The following NEMF variants were observed in gnomAD, a reference collection of about 807,000 sequenced individuals.
The protein encoded by NEMF is nuclear export mediator factor.
A neutral mutation model predicts 162.2 loss-of-function variants in NEMF; 89 were observed. The observed-to-expected ratio is 0.55, with a 90% confidence interval of 0.46 to 0.65. NEMF has a LOEUF of 0.65. Ranked by LOEUF, NEMF falls within the 30% of genes least tolerant of loss-of-function variation. The probability of loss-of-function intolerance (pLI) is 0.00; values close to 1 mark genes in which losing one functional copy is unlikely to be tolerated. For synonymous variants in NEMF, 421 were observed against 404.5 expected (o/e 1.04, Z -0.49); for missense variants, 1,133 against 1,261.9 (o/e 0.90, Z 1.55).
In NEMF at chr14:49,806,244, ATATATATATATATTTTTTTTTTT is replaced by A. The variant is rs1248720901; in HGVS notation, c.1745-134_1745-112del. 5 of 14,056 alleles carry A rather than the reference ATATATATATATATTTTTTTTTTT, an allele frequency of 3.6e-4. 1 individual carries two copies. The highest frequency in any genetic ancestry group is 5.9e-4 in the African/African-American group (3 of 5,116). 0.9% of individuals were successfully genotyped at this position (14,056 alleles called of 1,614,324 possible). On this transcript the variant is annotated intron_variant, in intron 18 of 32. Coordinates refer to ENST00000298310, the MANE Select transcript of NEMF (RefSeq NM_004713.6). ...GTCAATGATATGTGTATATATATAT[ATATATATATATATTTTTTTTTTT>A]TTTTTTTTTTTTGAGATGGAGTTTC...
chr14:49,789,468 A>C, intron 27 of NEMF, 28 bp downstream of exon 27: 1 of 1,610,718 alleles, frequency 6.2e-7, no homozygotes, highest in Non-Finnish European at 8.5e-7. Context: ...GAAAAGCAAA[A>C]GAAAAAATGT....
intron 29 of NEMF, 165 bp from the exon 30 acceptor site, chr14:49,785,485 G>A: frequency 3.4e-6 from 2 of 589,198 alleles, no homozygotes; most frequent in Non-Finnish European, 6.1e-6. Context: ...GTTCCAAAGA[G>A]TTGAAGACCA....
intron 16 of NEMF, among the ~76,000 whole-genome samples, chr14:49,821,790 C>A (rs1178179362): frequency 6.6e-6 from 1 of 151,766 alleles, no homozygotes; most frequent in Non-Finnish European, 1.5e-5. Context: ...GCCCAGCCAC[C>A]ACCCCGTCTG....
At chr14:49,819,381 A>G (rs1891880374) in intron 16 of NEMF, among the ~76,000 whole-genome samples, 1 of 137,470 alleles carries the variant, frequency 7.3e-6, no homozygotes, top group Admixed American at 8.0e-5. Context: ...TAATAAAAAC[A>G]TATTATAGAC....
chr14:49,811,617 C>A lies in NEMF; in HGVS notation c.1744+2371G>T, dbSNP rs542652904. Among the ~76,000 whole-genome samples, 32 of 152,262 alleles carry A rather than the reference C, an allele frequency of 2.1e-4. No individual in the cohort carries two copies. The South Asian group carries it at 6.4e-3, about 31-fold the overall frequency. On this transcript the variant is annotated intron_variant, in intron 18 of 32. Coordinates refer to ENST00000298310, the MANE Select transcript of NEMF (RefSeq NM_004713.6). ...TTGTTTACCAAGTTGAGGAATATCC[C>A]TTCTATTCCTAGTTTGCTGAGTGTT...
intron 3 of NEMF, among the ~76,000 whole-genome samples, chr14:49,846,882 C>T (rs1454928763): frequency 6.6e-6 from 1 of 152,086 alleles, no homozygotes; most frequent in Non-Finnish European, 1.5e-5. Flanking sequence ...AAGCCACAAC[C>T]TTTATTTATT....
chr14:49,800,304 T>C, intron 23 of NEMF, 116 bp downstream of exon 23: 1 of 831,844 alleles, frequency 1.2e-6, no homozygotes, highest in Non-Finnish European at 1.8e-6. Flanking sequence ...TGAAAAAGTA[T>C]TAAGACAATG....
chr14:49,806,226 A>ATGTG (rs1891182657), intron 18 of NEMF, 93 bp from the exon 19 acceptor site: 1 of 131,480 alleles, frequency 7.6e-6, no homozygotes, highest in Non-Finnish European at 1.3e-5. Context: ...AGGGTCAATG[A>ATGTG]TATGTGTATA....
intron 5 of NEMF, 127 bp from the exon 6 acceptor site, chr14:49,838,333 T>C: frequency 1.4e-6 from 1 of 701,746 alleles, no homozygotes; most frequent in South Asian, 2.1e-5. Flanking sequence ...GTAACAGGAA[T>C]TCATTCTTCT....
In NEMF at chr14:49,783,774, A is replaced by C. The variant is rs1393111600; in HGVS notation, c.*862T>G. 6.6e-6 allele frequency: 1 copy of C among 152,146 alleles called. No homozygotes were observed. Among genetic ancestry groups the C allele is most frequent in the Admixed American group, 6.5e-5 (1 of 15,270 alleles). 9.4% of individuals were successfully genotyped at this position (152,146 alleles called of 1,614,324 possible). On this transcript the variant is annotated 3_prime_UTR_variant, in exon 33 of 33. Transcript: ENST00000298310. ...ATTACAAGGAAAAAATTAAGATCAAACCTGAAGGTCTACAAATGAATAGAA... is the reference window on the plus strand; with the variant it reads ...ATTACAAGGAAAAAATTAAGATCAACCCTGAAGGTCTACAAATGAATAGAA...
In NEMF at chr14:49,830,388, A is replaced by G. The variant is rs549012214; in HGVS notation, c.945+911T>C. Among the ~76,000 whole-genome samples the G allele has an allele frequency of 1.3e-3, 198 of 152,256 alleles. 4 individuals carry two copies. In the South Asian group the frequency reaches 0.04, roughly 30 times the overall value. On this transcript the variant is annotated intron_variant, in intron 11 of 32. Coordinates refer to ENST00000298310, the MANE Select transcript of NEMF (RefSeq NM_004713.6). Reference sequence around the variant, plus strand: ...TGAAGAGGAAGTGGTACAGGGATTCAAACAATTTGATTTTTTTTTCTTTAA... The same window carrying G: ...TGAAGAGGAAGTGGTACAGGGATTCGAACAATTTGATTTTTTTTTCTTTAA...
chr14:49,820,867 G>A (rs1345302355), intron 16 of NEMF, among the ~76,000 whole-genome samples: 1 of 152,118 alleles, frequency 6.6e-6, no homozygotes, highest in Non-Finnish European at 1.5e-5. Context: ...TGATCCGCCA[G>A]CCTCGGCATC....
At chr14:49,813,053 G>C (rs1441514758) in intron 18 of NEMF, among the ~76,000 whole-genome samples, 1 of 152,124 alleles carries the variant, frequency 6.6e-6, no homozygotes, top group African/African-American at 2.4e-5. Context: ...GGGATTACAG[G>C]TGTGAGTCAC....
At chr14:49,833,230 C>T (rs1264399993) in intron 8 of NEMF, among the ~76,000 whole-genome samples, 193 bp downstream of exon 8, 2 of 152,154 alleles carry the variant, frequency 1.3e-5, no homozygotes, top group African/African-American at 4.8e-5. Context: ...CATGCCACTG[C>T]ACTCCAGCCT....
chr14:49,792,229 G>GT (rs961362895), intron 26 of NEMF, among the ~76,000 whole-genome samples: 1 of 151,962 alleles, frequency 6.6e-6, no homozygotes, highest in Non-Finnish European at 1.5e-5. Context: ...AACAATCTCC[G>GT]TTTTTTGACA....
At chr14:49,837,006 G>C (rs1892939069) in intron 6 of NEMF, among the ~76,000 whole-genome samples, 1 of 152,132 alleles carries the variant, frequency 6.6e-6, no homozygotes, top group African/African-American at 2.4e-5. Context: ...CAGGCACGGT[G>C]CCTCACACCT....
At chr14:49,791,164 G>A (rs564483236) in intron 26 of NEMF, among the ~76,000 whole-genome samples, 11 of 149,146 alleles carry the variant, frequency 7.4e-5, no homozygotes, top group Non-Finnish European at 1.3e-4. Context: ...GTGAAACCCC[G>A]TCTGTACTAA....
At chr14:49,850,744 G>C (rs1346114211) in intron 3 of NEMF, among the ~76,000 whole-genome samples, 2 of 151,874 alleles carry the variant, frequency 1.3e-5, no homozygotes, top group Admixed American at 1.3e-4. Flanking sequence ...GGGTACAGAG[G>C]AATACGACTC....
At chr14:49,820,009 A>G (rs1050169720) in intron 16 of NEMF, 4 of 159,162 alleles carry the variant, frequency 2.5e-5, no homozygotes, top group African/African-American at 9.7e-5. Context: ...TGGAGTGCAG[A>G]GGCGCCATCT....
Sources: allele counts gnomAD v4.1 joint callset (sites outside exome capture counted in the v4.1 genomes callset), GRCh38; gene constraint gnomAD v4.1.1; transcripts MANE v1.5; gene names NCBI Gene and HGNC (gene_info 2026-07-23, HGNC 2026-07-21).